Variants in NRSN1 observed in about 807,000 individuals in gnomAD.
NRSN1 encodes neurensin 1, also known as neurensin-1.
Under a neutral mutation model 17.3 loss-of-function variants are expected in NRSN1, and 14 were observed. The observed-to-expected ratio is 0.81, with a 90% confidence interval of 0.54 to 1.27. The LOEUF is 1.27. Among genes scored for constraint, NRSN1 ranks in the 50% most tolerant of loss-of-function variants. The pLI, the probability that NRSN1 is intolerant of heterozygous loss-of-function variation, is 0.00. For missense variants in NRSN1, 209 were observed against 235.9 expected, an observed-to-expected ratio of 0.89 and a Z score of 0.75; for synonymous variants, 79 against 94.2, an observed-to-expected ratio of 0.84 and a Z score of 0.93.
At chr6:24,140,890 G>A (rs933361915) in intron 3 of NRSN1, 3 of 1,304,788 alleles carry the variant, frequency 2.3e-6, no homozygotes, top group Non-Finnish European at 2.9e-6. Context: ...ATATAAATAA[G>A]TTCTCTTTCC....
At position 24,134,377 on chromosome 6, in the gene NRSN1, C is replaced by G; in HGVS notation, c.50C>G (p.Ala17Gly). ...GGGTCCAGGCAGGCACAGGCTGCAG[C>G]TGAGGGTGGTTACCAGCGCTATGGA... ...VCGSRQAQAA[A>G]EGGYQRYGVR... is the part of the protein sequence containing the mutation. Residue 17 changes from alanine (A) to glycine (G), a missense_variant, in exon 3 of 4, where the codon GCT (alanine) becomes GGT (glycine). By Grantham distance (60) the Ala-to-Gly change is moderately conservative. Transcript: ENST00000378491. The G allele has an allele frequency of 1.2e-6, 2 of 1,614,134 alleles. No individual in the cohort carries two copies. Among genetic ancestry groups the G allele is most frequent in the Non-Finnish European group, 1.7e-6 (2 of 1,180,014 alleles).
intron 3 of NRSN1, among the ~76,000 whole-genome samples, chr6:24,138,488 C>G (rs887139327): frequency 6.6e-6 from 1 of 152,208 alleles, no homozygotes; most frequent in Non-Finnish European, 1.5e-5. Context: ...TTCTCACCCC[C>G]AGTCATTCCC....
chr6:24,137,017 G>A (rs1190111813), intron 3 of NRSN1, among the ~76,000 whole-genome samples: 1 of 152,186 alleles, frequency 6.6e-6, no homozygotes, highest in Non-Finnish European at 1.5e-5. Flanking sequence ...CACTAGCTAT[G>A]CTCATGTTTC....
rs1760291182 is a variant in NRSN1 at position 24,145,632 on chromosome 6, G to A, written c.274G>A (p.Ala92Thr). ...VGFLVPPKIE[A>T]FGEADFVVVD... ...CTTTCTTGTGCCCCCCAAAATCGAA[G>A]CATTTGGCGAAGCCGATTTTGTGGT... Residue 92 changes from alanine to threonine, a missense_variant, in exon 4 of 4, where the codon GCA (alanine) becomes ACA (threonine). Physicochemically the swap from Ala to Thr is moderately conservative, Grantham distance 58. Coordinates refer to ENST00000378491, the MANE Select transcript of NRSN1 (RefSeq NM_080723.5). This position sits in a 1 kb window ranked among gnomAD's most constrained non-coding sequence, Gnocchi z 4.4. 1 of 1,614,000 alleles carries A rather than the reference G, an allele frequency of 6.2e-7. No homozygotes were observed. Among genetic ancestry groups the A allele is most frequent in the African/African-American group, 1.3e-5 (1 of 75,036 alleles).
chr6:24,142,855 C>G (rs146240495), intron 3 of NRSN1, among the ~76,000 whole-genome samples: 1 of 152,282 alleles, frequency 6.6e-6, no homozygotes, highest in African/African-American at 2.4e-5. Flanking sequence ...GGAAAGAGAC[C>G]AGAGCAGGTT....
rs897982451 is a variant in NRSN1, at chr6:24,146,583, G to A, written c.*637G>A. The A allele has an allele frequency of 9.4e-5, 24 of 256,148 alleles. No individual in the cohort carries two copies. The highest frequency in any genetic ancestry group is 1.4e-3 in the Middle Eastern group (1 of 690). 15.9% of individuals were successfully genotyped at this position (256,148 alleles called of 1,614,324 possible). A position where few individuals can be genotyped will look rare whatever the true frequency, so the allele number is the denominator to read the frequency against. ...TGGAGTACAGCGGTGAAATCATAGC[G>A]CACTGCAGCCTTGAACTCCTGGGCT... On this transcript the variant is annotated 3_prime_UTR_variant, in exon 4 of 4. Coordinates refer to ENST00000378491, the MANE Select transcript of NRSN1 (RefSeq NM_080723.5).
rs559611205 is a variant in NRSN1, at chr6:24,146,505, G to T, written c.*559G>T. ...GTTATCAGCATTCACAAATCTTTTT[G>T]TTTTCTCCATTTTTTTTCCCTTTGA... On this transcript the variant is annotated 3_prime_UTR_variant, in exon 4 of 4. Coordinates refer to ENST00000378491, the MANE Select transcript of NRSN1 (RefSeq NM_080723.5). 94 of 338,942 alleles carry T rather than the reference G, an allele frequency of 2.8e-4. No homozygotes were observed. Among genetic ancestry groups the T allele is most frequent in the African/African-American group, 1.6e-3 (73 of 46,154 alleles). 21.0% of individuals were successfully genotyped at this position (338,942 alleles called of 1,614,324 possible). A position where few individuals can be genotyped will look rare whatever the true frequency, so the allele number is the denominator to read the frequency against.
chr6:24,144,551 C>A (rs1760269649), intron 3 of NRSN1, among the ~76,000 whole-genome samples: 1 of 151,996 alleles, frequency 6.6e-6, no homozygotes, highest in Non-Finnish European at 1.5e-5. Context: ...TTGTTAGGGA[C>A]AATTCTATGA....
chr6:24,142,658 C>T (rs1490889292), intron 3 of NRSN1, among the ~76,000 whole-genome samples: 1 of 151,976 alleles, frequency 6.6e-6, no homozygotes, highest in African/African-American at 2.4e-5. Context: ...GGGGTTTGAC[C>T]ATGTTGGTCA....
rs1036988546 is a variant in NRSN1, at chr6:24,135,491, A to T, written c.189+975A>T. Reference sequence around the variant, plus strand: ...AATTAAGAAAAATAACAAGGCACAGATGATTTATGTAGAGCCTTGTACACC... The same window carrying T: ...AATTAAGAAAAATAACAAGGCACAGTTGATTTATGTAGAGCCTTGTACACC... On this transcript the variant is annotated intron_variant, in intron 3 of 3. Coordinates refer to ENST00000378491, the MANE Select transcript of NRSN1 (RefSeq NM_080723.5). Among the ~76,000 whole-genome samples, 14 of 152,300 alleles carry T rather than the reference A, an allele frequency of 9.2e-5. No homozygotes were observed. In the East Asian group the frequency reaches 2.3e-3, roughly 25 times the overall value.
In NRSN1 at chr6:24,145,986, C is replaced by A; in HGVS notation, c.*40C>A. ...CAGTTCTTCTTGTCTGATTTATGCCCGTGGTTAAAAAGAGCAGGCCAGTTT... is the reference window on the plus strand; with the variant it reads ...CAGTTCTTCTTGTCTGATTTATGCCAGTGGTTAAAAAGAGCAGGCCAGTTT... On this transcript the variant is annotated 3_prime_UTR_variant, in exon 4 of 4. Coordinates refer to ENST00000378491, the MANE Select transcript of NRSN1 (RefSeq NM_080723.5). The surrounding 1 kb of genome is among the most constrained non-coding windows in gnomAD (Gnocchi z 4.4). 1 of 1,569,358 alleles carries A rather than the reference C, an allele frequency of 6.4e-7. No homozygotes were observed. Among genetic ancestry groups the A allele is most frequent in the East Asian group, 2.2e-5 (1 of 44,578 alleles).
chr6:24,135,083 A>G (rs1272764549), intron 3 of NRSN1, among the ~76,000 whole-genome samples: 1 of 152,230 alleles, frequency 6.6e-6, no homozygotes, highest in Non-Finnish European at 1.5e-5. Context: ...CTCTGTGCCA[A>G]GAGGGTTCAA....
chr6:24,127,744 C>A (rs1029153997), intron 1 of NRSN1, among the ~76,000 whole-genome samples: 1 of 151,980 alleles, frequency 6.6e-6, no homozygotes, highest in South Asian at 2.1e-4. Flanking sequence ...CAAAAAAGAT[C>A]CATTCTGAAG....
rs966599511 is a variant in NRSN1 at position 24,126,274 on chromosome 6, G to C, written c.-149G>C. The C allele has an allele frequency of 5.7e-6, 1 of 175,594 alleles. No homozygotes were observed. Among genetic ancestry groups the C allele is most frequent in the South Asian group, 1.6e-4 (1 of 6,128 alleles). 10.9% of individuals were successfully genotyped at this position (175,594 alleles called of 1,614,324 possible). A position where few individuals can be genotyped will look rare whatever the true frequency, so the allele number is the denominator to read the frequency against. On this transcript the variant is annotated 5_prime_UTR_variant, in exon 1 of 4. Coordinates refer to ENST00000378491, the MANE Select transcript of NRSN1 (RefSeq NM_080723.5). Reference sequence around the variant, plus strand: ...AGCGGCGGCGGTGGCGACGGCGATGGGACCCCAGCGAGAGATCTGCAGCTA... The same window carrying C: ...AGCGGCGGCGGTGGCGACGGCGATGCGACCCCAGCGAGAGATCTGCAGCTA...
At chr6:24,144,322 A>T (rs1304513075) in intron 3 of NRSN1, among the ~76,000 whole-genome samples, 1 of 152,210 alleles carries the variant, frequency 6.6e-6, no homozygotes, top group Non-Finnish European at 1.5e-5. Flanking sequence ...GTGAGTAGTT[A>T]CAAAGACTGT....
At chr6:24,128,027 T>C (rs111422567) in intron 1 of NRSN1, 101 bp from the exon 2 acceptor site, 22 of 152,328 alleles carry the variant, frequency 1.4e-4, no homozygotes, top group Middle Eastern at 3.4e-3. Flanking sequence ...TGTCAATGCT[T>C]TTGTGAACAT....
intron 2 of NRSN1, among the ~76,000 whole-genome samples, chr6:24,131,476 A>G (rs543022793): frequency 1.1e-4 from 16 of 152,062 alleles, no homozygotes; most frequent in Admixed American, 2.0e-4. Flanking sequence ...AAATCTGAAA[A>G]TATATATTTA....
chr6:24,144,989 A>C (rs1760276761), intron 3 of NRSN1, among the ~76,000 whole-genome samples: 2 of 148,136 alleles, frequency 1.4e-5, no homozygotes, highest in East Asian at 3.9e-4. Flanking sequence ...TAAAAAAAAA[A>C]GATATTTATA....
chr6:24,141,233 G>C (rs986369400), intron 3 of NRSN1: 18 of 1,266,800 alleles, frequency 1.4e-5, no homozygotes, highest in Non-Finnish European at 1.8e-5. Context: ...CTTTCTGTTA[G>C]ACCTGGGACC....
Sources: gnomAD v4.1 joint callset for allele counts (sites outside exome capture counted in the v4.1 genomes callset) on GRCh38, gnomAD v4.1.1 for gene constraint, Gnocchi (gnomAD v3.1) non-coding constraint, MANE v1.5 for transcripts, NCBI Gene and HGNC (gene_info 2026-07-23, HGNC 2026-07-21) for gene names.